The following ADK variants were observed in gnomAD, a reference collection of about 807,000 sequenced individuals.
ADK encodes the protein N6,N6-dimethyladenosine kinase.
In ADK, 24 loss-of-function variants were observed where a neutral mutation model predicts 44.7. The ratio of observed to expected loss-of-function variants is 0.54; its 90% CI spans 0.39 to 0.76. The LOEUF is 0.76. ADK is among the 30% of genes least tolerant of loss of function. The pLI, the probability that ADK is intolerant of heterozygous loss-of-function variation, is 0.00. For missense variants in ADK, 321 were observed against 425.1 expected (o/e 0.76, Z 2.15); for synonymous variants, 128 against 142.6 (o/e 0.90, Z 0.73).
rs148555685 is a variant in ADK, at chr10:74,564,371, A to G, written c.727-24911A>G. Among the ~76,000 whole-genome samples, 401 of 152,282 alleles carry G rather than the reference A, an allele frequency of 2.6e-3. 3 individuals carry two copies. The highest frequency in any genetic ancestry group is 4.3e-3 in the Non-Finnish European group (293 of 68,022). ...TGAAAACCTTCTCAAATCCAGGAAA[A>G]CTAATGGTATTTCCATCTATTCTCT... On this transcript the variant is annotated intron_variant, in intron 7 of 10. Transcript: ENST00000539909.
At chr10:74,350,491 C>G (rs1458294116) in intron 4 of ADK, among the ~76,000 whole-genome samples, 1 of 152,070 alleles carries the variant, frequency 6.6e-6, no homozygotes, top group African/African-American at 2.4e-5. Flanking sequence ...ACCCCAACAT[C>G]ACAATTAAAA....
intron 2 of ADK, among the ~76,000 whole-genome samples, chr10:74,221,976 C>G (rs1844329403): frequency 6.6e-6 from 1 of 152,178 alleles, no homozygotes; most frequent in Non-Finnish European, 1.5e-5. Flanking sequence ...GACTTCATGA[C>G]TAAAACACCA....
intron 4 of ADK, among the ~76,000 whole-genome samples, chr10:74,363,563 G>A (rs1400524859): frequency 1.3e-5 from 2 of 152,178 alleles, no homozygotes; most frequent in East Asian, 1.9e-4. Context: ...GACCCTCTCA[G>A]GATCTGCTGT....
chr10:74,352,428 A>G (rs997894950), intron 4 of ADK, among the ~76,000 whole-genome samples: 1 of 152,216 alleles, frequency 6.6e-6, no homozygotes, highest in African/African-American at 2.4e-5. Flanking sequence ...AGTAACCAAG[A>G]TGGATTAAGG....
chr10:74,677,693 T>G (rs1035219599), intron 10 of ADK, among the ~76,000 whole-genome samples: 1 of 152,186 alleles, frequency 6.6e-6, no homozygotes, highest in Admixed American at 6.5e-5. Context: ...AGATGACAGC[T>G]GCCCACTGCT....
chr10:74,498,047 G>A (rs1427424655), intron 6 of ADK, among the ~76,000 whole-genome samples: 5 of 151,896 alleles, frequency 3.3e-5, no homozygotes, highest in South Asian at 2.1e-4. Flanking sequence ...CTGCCACCAC[G>A]CCCGGCTAAT....
In ADK at chr10:74,172,219, G is replaced by T. The variant is rs148479059; in HGVS notation, c.65+20876G>T. Among the ~76,000 whole-genome samples the T allele has an allele frequency of 3.7e-3, 544 of 148,276 alleles. 3 individuals are homozygous for T. The highest frequency in any genetic ancestry group is 0.013 in the African/African-American group (510 of 40,256). On this transcript the variant is annotated intron_variant, in intron 1 of 10. Transcript: ENST00000539909. ...AGCGGCGCAAACACAGCTTGCTGTA[G>T]CCTTGAACTCTTGGGCTCAAGCCAT...
chr10:74,242,115 G>T (rs886315493), intron 3 of ADK, among the ~76,000 whole-genome samples: 1 of 152,154 alleles, frequency 6.6e-6, no homozygotes, highest in African/African-American at 2.4e-5. Flanking sequence ...TGAGTACATC[G>T]TAATTTTAGG....
intron 9 of ADK, among the ~76,000 whole-genome samples, chr10:74,639,929 G>T (rs714446): frequency 6.6e-6 from 1 of 152,152 alleles, no homozygotes; most frequent in Non-Finnish European, 1.5e-5. Context: ...AGATGATTTA[G>T]ATACTCTGTA....
intron 3 of ADK, among the ~76,000 whole-genome samples, chr10:74,249,090 T>A (rs1204841151): frequency 6.6e-6 from 1 of 152,226 alleles, no homozygotes; most frequent in Non-Finnish European, 1.5e-5. Flanking sequence ...TGTGTGAAAT[T>A]CTCTTCGGTT....
intron 3 of ADK, among the ~76,000 whole-genome samples, chr10:74,273,266 A>G (rs952508663): frequency 3.9e-5 from 6 of 151,928 alleles, no homozygotes; most frequent in African/African-American, 1.5e-4. Context: ...CATCCTTTCC[A>G]GGGCAGCACT....
At chr10:74,655,103 G>T in intron 9 of ADK, 1 of 280,336 alleles carries the variant, frequency 3.6e-6, no homozygotes, top group East Asian at 9.8e-5. Flanking sequence ...ACCTTACCCT[G>T]GGGGTTGAGG....
intron 6 of ADK, among the ~76,000 whole-genome samples, chr10:74,436,037 C>T (rs1845168333): frequency 6.6e-6 from 1 of 152,124 alleles, no homozygotes; most frequent in Non-Finnish European, 1.5e-5. Context: ...CATATTTCTT[C>T]ACTATTCTCT....
At chr10:74,267,790 G>GTGTGTGTGTGTC (rs35081179) in intron 3 of ADK, among the ~76,000 whole-genome samples, 2,183 of 145,514 alleles carry the variant, frequency 0.015, 16 homozygotes, top group African/African-American at 0.018. Context: ...GTGTGTGTGT[G>GTGTGTGTGTGTC]TGTCTGTCTG....
chr10:74,362,104 CT>C (rs1264131719), intron 4 of ADK, among the ~76,000 whole-genome samples: 3 of 152,040 alleles, frequency 2.0e-5, no homozygotes, highest in Admixed American at 1.3e-4. Context: ...ATATTTATAT[CT>C]TTTTTCAGGT....
At chr10:74,707,493 T>C (rs2131803116) in intron 10 of ADK, among the ~76,000 whole-genome samples, 1 of 152,226 alleles carries the variant, frequency 6.6e-6, no homozygotes, top group African/African-American at 2.4e-5. Flanking sequence ...CTGGGTGTGG[T>C]GGCTCACGCC....
chr10:74,157,730 A>AAG (rs938415858), intron 1 of ADK, among the ~76,000 whole-genome samples: 103 of 151,562 alleles, frequency 6.8e-4, no homozygotes, highest in Non-Finnish European at 3.7e-4. Context: ...AAAAAAAAAA[A>AAG]AAAAATACAA....
chr10:74,373,103 A>G (rs1436253276), intron 4 of ADK, among the ~76,000 whole-genome samples: 1 of 151,704 alleles, frequency 6.6e-6, no homozygotes, highest in Non-Finnish European at 1.5e-5. Context: ...GGGTACTAGA[A>G]CACCTGCCCA....
intron 6 of ADK, among the ~76,000 whole-genome samples, chr10:74,430,594 A>G (rs1844949742): frequency 6.6e-6 from 1 of 152,130 alleles, no homozygotes. Flanking sequence ...ATCTCATTTT[A>G]TAAAAATAAA....
Sources: allele counts gnomAD v4.1 joint callset (sites outside exome capture counted in the v4.1 genomes callset), GRCh38; gene constraint gnomAD v4.1.1; transcripts MANE v1.5; gene names NCBI Gene and HGNC (gene_info 2026-07-23, HGNC 2026-07-21).